PCDH15: variants seen among roughly 807,000 people sequenced by gnomAD.
The protein encoded by PCDH15 is protocadherin-15.
In PCDH15, 129 loss-of-function variants were observed where a neutral mutation model predicts 178.5. That is an observed-to-expected ratio of 0.72 (90% CI 0.63 to 0.84). The LOEUF (loss-of-function observed/expected upper bound fraction) is 0.84, where lower values mean the gene tolerates loss of function less well. PCDH15 is among the 40% of genes least tolerant of loss of function. The pLI, the probability that PCDH15 is intolerant of heterozygous loss-of-function variation, is 0.00. For synonymous variants in PCDH15, 800 were observed against 732.0 expected (o/e 1.09, Z -1.50); for missense variants, 2,230 against 2,099.9 (o/e 1.06, Z -1.21).
intron 2 of PCDH15, among the ~76,000 whole-genome samples, chr10:54,661,738 T>C (rs571501495): frequency 1.3e-5 from 2 of 151,864 alleles, no homozygotes; most frequent in South Asian, 4.1e-4. Flanking sequence ...ATAGGGAAAC[T>C]AGAAAATAAA....
At chr10:54,587,383 T>C (rs1303442426) in intron 2 of PCDH15, among the ~76,000 whole-genome samples, 2 of 152,186 alleles carry the variant, frequency 1.3e-5, no homozygotes, top group Non-Finnish European at 2.9e-5. Flanking sequence ...GTGGGAATAT[T>C]GACACTGCTG....
chr10:54,949,859 C>G (rs1297590799), intron 2 of PCDH15, among the ~76,000 whole-genome samples: 5 of 152,072 alleles, frequency 3.3e-5, no homozygotes, highest in Admixed American at 2.6e-4. Context: ...CAGTTCCCAA[C>G]AAATTCCTCA....
At position 54,023,166 on chromosome 10, in the gene PCDH15, T is replaced by C; in HGVS notation, c.2252A>G (p.Gln751Arg). ...AAAGTTACCCAAACTGTAGTGCACT[T>C]GACCATTTATTCCAGCATCAGGGTC... ...ATDPDAGING[Q>R]VHYSLGNFNN... Residue 751 changes from glutamine to arginine, a missense_variant, in exon 19 of 38, where the codon CAA (glutamine) becomes CGA (arginine). Gln to Arg is a conservative substitution (Grantham distance 43). Transcript: ENST00000644397. 1 of 1,613,626 alleles carries C rather than the reference T, an allele frequency of 6.2e-7. No individual in the cohort carries two copies. Among genetic ancestry groups the C allele is most frequent in the South Asian group, 1.1e-5 (1 of 91,076 alleles).
intron 6 of PCDH15, among the ~76,000 whole-genome samples, chr10:54,330,019 C>G (rs1374080370): frequency 6.6e-6 from 1 of 151,866 alleles, no homozygotes; most frequent in East Asian, 1.9e-4. Flanking sequence ...ATCTGAAAAA[C>G]TTCCCTGTTA....
rs775201579 is a variant in PCDH15, at chr10:55,401,594, C to CTCTG, written c.-156+226030_-156+226031insCAGA. Among the ~76,000 whole-genome samples the CTCTG allele has an allele frequency of 7.3e-4, 97 of 133,182 alleles. 1 individual carries two copies. The highest frequency in any genetic ancestry group is 2.6e-4 in the South Asian group (1 of 3,834). The allele number at this position is 133,182 out of a possible 152,430, so 87.4% of individuals were successfully genotyped here. ...TTCTTTACTGGACCAATTTGCCTTA[C>CTCTG]TGTGTGTGTGTGTGTGTGTGTGTGT... On this transcript the variant is annotated intron_variant, in intron 2 of 5. Transcript: ENST00000613346.
chr10:55,438,252 A>G (rs1589027713), intron 2 of PCDH15, among the ~76,000 whole-genome samples: 1 of 151,700 alleles, frequency 6.6e-6, no homozygotes, highest in African/African-American at 2.4e-5. Context: ...ATTAAATACT[A>G]TTTTCCTGTG....
intron 17 of PCDH15, among the ~76,000 whole-genome samples, chr10:54,075,383 T>C (rs11004043): frequency 6.4e-4 from 57 of 88,560 alleles, no homozygotes; most frequent in African/African-American, 1.5e-3. Context: ...TCTCAAAAAA[T>C]AAAAAAAAAG....
chr10:55,159,388 T>TAC (rs56297688), intron 2 of PCDH15, among the ~76,000 whole-genome samples: 1,375 of 19,304 alleles, frequency 0.071, 26 homozygotes, highest in African/African-American at 0.11. Flanking sequence ...TATATATATA[T>TAC]ACACACATAC....
At chr10:54,571,179 C>T (rs10825360) in intron 2 of PCDH15, among the ~76,000 whole-genome samples, 142,456 of 152,108 alleles carry the variant, frequency 0.94, 66,981 homozygotes, top group Middle Eastern at 0.98. Flanking sequence ...GAAATTTGAA[C>T]GAGGAGAAAC....
chr10:54,372,848 C>CGTAT (rs370817156), intron 4 of PCDH15, among the ~76,000 whole-genome samples: 1 of 151,808 alleles, frequency 6.6e-6, no homozygotes, highest in African/African-American at 2.4e-5. Context: ...ATACTCTGAA[C>CGTAT]GTATACTTGC....
At chr10:55,499,036 C>T (rs1470950239) in intron 2 of PCDH15, among the ~76,000 whole-genome samples, 2 of 151,780 alleles carry the variant, frequency 1.3e-5, no homozygotes, top group African/African-American at 4.8e-5. Context: ...TGTTTTGATG[C>T]CTGTCAACTG....
At chr10:55,227,796 A>T (rs1361944017) in intron 1 of PCDH15, among the ~76,000 whole-genome samples, 1 of 152,132 alleles carries the variant, frequency 6.6e-6, no homozygotes, top group East Asian at 1.9e-4. Context: ...ATGTATTATT[A>T]TATTCAGAGG....
intron 1 of PCDH15, among the ~76,000 whole-genome samples, chr10:55,236,470 G>C (rs1444580485): frequency 6.6e-6 from 1 of 151,978 alleles, no homozygotes; most frequent in Non-Finnish European, 1.5e-5. Flanking sequence ...TTAATGAGGT[G>C]AGCAACAGGA....
intron 1 of PCDH15, among the ~76,000 whole-genome samples, chr10:54,693,212 C>T (rs934752567): frequency 5.3e-5 from 8 of 152,012 alleles, no homozygotes; most frequent in Admixed American, 2.6e-4. Flanking sequence ...TTACCCTTCT[C>T]TTTTTACACC....
At position 53,820,196 on chromosome 10, in the gene PCDH15, TCATGCATATGACCAGCTGCCAACAAAA is replaced by T. The variant is rs1325667931; in HGVS notation, c.4375_4401del (p.Phe1459_Met1467del). 1 of 397,842 alleles carries T rather than the reference TCATGCATATGACCAGCTGCCAACAAAA, an allele frequency of 2.5e-6. No homozygotes were observed. The highest frequency in any genetic ancestry group is 3.6e-5 in the East Asian group (1 of 28,040). The allele number at this position is 397,842 out of a possible 1,614,324, so 24.6% of individuals were successfully genotyped here. ...AGAGTCCGCCAAATAGCACAAGTTC[TCATGCATATGACCAGCTGCCAACAAAA>T]ACTCCAACTGAAGTTTTTCAGTGAA... is the stretch of plus-strand genomic sequence containing the variant. On this transcript the variant is annotated inframe_deletion, in exon 33 of 38. Transcript: ENST00000644397.
At chr10:54,986,798 ATTTATCATGAAAT>A (rs1429630390) in intron 2 of PCDH15, among the ~76,000 whole-genome samples, 3 of 152,140 alleles carry the variant, frequency 2.0e-5, no homozygotes, top group Non-Finnish European at 4.4e-5. Context: ...TATCATATAT[ATTTATCATGAAAT>A]TTTATCAGGA....
intron 2 of PCDH15, among the ~76,000 whole-genome samples, chr10:55,499,032 G>C (rs1409488544): frequency 1.3e-5 from 2 of 151,838 alleles, no homozygotes; most frequent in African/African-American, 4.8e-5. Context: ...TCACTGTTTT[G>C]ATGCCTGTCA....
intron 2 of PCDH15, among the ~76,000 whole-genome samples, chr10:55,357,843 T>TGCCCCCA (rs1041294092): frequency 6.6e-5 from 10 of 152,186 alleles, no homozygotes; most frequent in Admixed American, 3.3e-4. Context: ...TAGTTTCTAC[T>TGCCCCCA]GCCCCCATAC....
At chr10:55,463,346 G>A (rs1167715726) in intron 2 of PCDH15, among the ~76,000 whole-genome samples, 1 of 151,996 alleles carries the variant, frequency 6.6e-6, no homozygotes, top group Non-Finnish European at 1.5e-5. Flanking sequence ...TAGCCTATGA[G>A]GCATAACAAA....
Sources: allele counts gnomAD v4.1 joint callset (sites outside exome capture counted in the v4.1 genomes callset), GRCh38; gene constraint gnomAD v4.1.1; transcripts MANE v1.5; gene names NCBI Gene and HGNC (gene_info 2026-07-23, HGNC 2026-07-21).